Variants in RANBP9 observed in about 807,000 individuals in gnomAD.
The protein encoded by RANBP9 is ran-binding protein 9.
A neutral mutation model predicts 84.3 loss-of-function variants in RANBP9; 15 were observed. The ratio of observed to expected loss-of-function variants is 0.18; its 90% CI spans 0.12 to 0.27. RANBP9 has a LOEUF of 0.27. Among genes scored for constraint, RANBP9 ranks in the 10% least tolerant of loss-of-function variants. The pLI is 1.00. For missense variants in RANBP9, 809 were observed against 912.8 expected, an observed-to-expected ratio of 0.89 and a Z score of 1.46; for synonymous variants, 392 against 349.6, an observed-to-expected ratio of 1.12 and a Z score of -1.35.
rs147522193 is a variant in RANBP9, at chr6:13,683,255, A to G, written c.683+13530T>C. On this transcript the variant is annotated intron_variant, in intron 2 of 13. Transcript: ENST00000011619. ...CTTATCTTGGAATGTTAATCAACCT[A>G]AGTGATTCCAGCAATAGGCAAAGAG... Among the ~76,000 whole-genome samples, 43 of 152,354 alleles carry G rather than the reference A, an allele frequency of 2.8e-4. No homozygotes were observed. The East Asian group carries it at 8.1e-3, about 29-fold the overall frequency.
At chr6:13,671,757 GAAT>G (rs1765784172) in intron 2 of RANBP9, among the ~76,000 whole-genome samples, 1 of 151,998 alleles carries the variant, frequency 6.6e-6, no homozygotes, top group African/African-American at 2.4e-5. Flanking sequence ...TTTAAAGGGT[GAAT>G]ATGTACATGA....
At chr6:13,696,644 A>T (rs956738391) in intron 2 of RANBP9, 141 bp downstream of exon 2, 3 of 609,430 alleles carry the variant, frequency 4.9e-6, no homozygotes, top group African/African-American at 3.8e-5. Flanking sequence ...AACCAGATCC[A>T]ATCTGTTATA....
At chr6:13,655,490 C>T (rs187463194) in intron 4 of RANBP9, among the ~76,000 whole-genome samples, 1 of 152,080 alleles carries the variant, frequency 6.6e-6, no homozygotes, top group African/African-American at 2.4e-5. Context: ...ATAAAATAAA[C>T]AAAAAATAAA....
In RANBP9 at chr6:13,632,838, TA is replaced by T. The variant is rs372574264; in HGVS notation, c.1796-318del. The T allele has an allele frequency of 6.6e-3, 803 of 121,558 alleles. 2 individuals are homozygous for T. The highest frequency in any genetic ancestry group is 0.023 in the East Asian group (101 of 4,348). 7.5% of individuals were successfully genotyped at this position (121,558 alleles called of 1,614,324 possible). On this transcript the variant is annotated intron_variant, in intron 11 of 13. Coordinates refer to ENST00000011619, the MANE Select transcript of RANBP9 (RefSeq NM_005493.3). The stretch of plus-strand genomic sequence containing the variant: ...CCCTAAAACTACATTAAGCAACATT[TA>T]AAAAAAAAAAAAAAAAAAGGAAAAC...
At chr6:13,695,399 ATGT>A (rs1235748391) in intron 2 of RANBP9, among the ~76,000 whole-genome samples, 2 of 106,434 alleles carry the variant, frequency 1.9e-5, no homozygotes, top group Non-Finnish European at 3.8e-5. Flanking sequence ...CACCAACCAA[ATGT>A]TTTTTTTTTT....
Position 13,657,230 on chromosome 6 carries a change from C to G in RANBP9, c.783G>C (p.Ser261=), listed in dbSNP as rs1048656524. The G allele has an allele frequency of 1.2e-6, 2 of 1,613,422 alleles. No homozygotes were observed. The highest frequency in any genetic ancestry group is 1.7e-6 in the Non-Finnish European group (2 of 1,179,662). The change falls in exon 4 of 14, where the codon TCG becomes TCC. Residue 261 remains serine, a synonymous_variant. Coordinates refer to ENST00000011619, the MANE Select transcript of RANBP9 (RefSeq NM_005493.3). ...SYGYHGDDGH[S]FCSSGTGQPY... The stretch of plus-strand genomic sequence containing the variant: ...GTTGTCCAGTTCCAGAAGAACAAAA[C>G]GAATGTCCATCATCCCCATGGTAAC...
At chr6:13,682,508 A>G (rs145630676) in intron 2 of RANBP9, among the ~76,000 whole-genome samples, 15 of 151,806 alleles carry the variant, frequency 9.9e-5, no homozygotes, top group African/African-American at 3.4e-4. Flanking sequence ...CCTGCAGTGC[A>G]ATGGCACGAT....
chr6:13,708,451 C>T (rs1584953746), intron 1 of RANBP9, among the ~76,000 whole-genome samples: 1 of 152,020 alleles, frequency 6.6e-6, no homozygotes, highest in East Asian at 1.9e-4. Context: ...AACACCAGAA[C>T]AACAACAAAA....
Position 13,711,156 on chromosome 6 carries a change from C to G in RANBP9, c.350G>C (p.Gly117Ala). The change falls in exon 1 of 14, where the codon GGA (glycine) becomes GCA (alanine). Residue 117 changes from glycine to alanine, a missense_variant. Gly to Ala is a moderately conservative substitution (Grantham distance 60). This residue lies in a region of RANBP9 where 302 missense variants were observed against 240.1 expected (regional missense o/e 1.26). Transcript: ENST00000011619. Reference protein sequence around the residue: ...GLAAGPGPAGGAPTPALVAGS... With the variant: ...GLAAGPGPAGAAPTPALVAGS... ...CGCCACCAGAGCTGGGGTCGGGGCT[C>G]CTCCAGCCGGGCCGGGGCCCGCTGC... is the stretch of plus-strand genomic sequence containing the variant. The G allele has an allele frequency of 6.7e-7, 1 of 1,483,008 alleles. No homozygotes were observed. Among genetic ancestry groups the G allele is most frequent in the South Asian group, 1.3e-5 (1 of 79,028 alleles). 91.9% of individuals were successfully genotyped at this position (1,483,008 alleles called of 1,614,324 possible). A position where few individuals can be genotyped will look rare whatever the true frequency, so the allele number is the denominator to read the frequency against.
intron 10 of RANBP9, among the ~76,000 whole-genome samples, chr6:13,635,094 C>A (rs1764902906): frequency 6.6e-6 from 1 of 152,196 alleles, no homozygotes; most frequent in Non-Finnish European, 1.5e-5. Context: ...AATATACATT[C>A]TTTCAAGGGT....
At chr6:13,710,773 C>A (rs1758256436) in intron 1 of RANBP9, among the ~76,000 whole-genome samples, 162 bp downstream of exon 1, 1 of 152,126 alleles carries the variant, frequency 6.6e-6, no homozygotes, top group South Asian at 2.1e-4. Flanking sequence ...GACCCTTCAC[C>A]GCGACCCCCG....
Position 13,711,628 on chromosome 6 carries a change from C to G in RANBP9, c.-123G>C. 1 of 932,452 alleles carries G rather than the reference C, an allele frequency of 1.1e-6. No homozygotes were observed. Among genetic ancestry groups the G allele is most frequent in the East Asian group, 4.0e-5 (1 of 25,014 alleles). The allele number at this position is 932,452 out of a possible 1,614,324, so 57.8% of individuals were successfully genotyped here. Reference sequence around the variant, plus strand: ...CCAGTCCGCCCGCCCCGGAAGCAGGCGGCGGGCCGCGCGCCCAGGGAGACC... The same window carrying G: ...CCAGTCCGCCCGCCCCGGAAGCAGGGGGCGGGCCGCGCGCCCAGGGAGACC... On this transcript the variant is annotated 5_prime_UTR_variant, in exon 1 of 14. Coordinates refer to ENST00000011619, the MANE Select transcript of RANBP9 (RefSeq NM_005493.3).
chr6:13,702,355 A>G (rs1038290391), intron 1 of RANBP9, among the ~76,000 whole-genome samples: 1 of 152,202 alleles, frequency 6.6e-6, no homozygotes, highest in African/African-American at 2.4e-5. Flanking sequence ...AGGGAGGAGA[A>G]TTGCTTAAAC....
intron 5 of RANBP9, among the ~76,000 whole-genome samples, chr6:13,648,141 GTTTTTTTTTT>G (rs375219477): frequency 1.2e-5 from 1 of 80,646 alleles, no homozygotes; most frequent in Non-Finnish European, 2.4e-5. Flanking sequence ...TATATGACTG[GTTTTTTTTTT>G]TTTTTTTTTT....
At chr6:13,692,344 TGGC>T (rs1421638902) in intron 2 of RANBP9, among the ~76,000 whole-genome samples, 1 of 151,062 alleles carries the variant, frequency 6.6e-6, no homozygotes, top group Non-Finnish European at 1.5e-5. Flanking sequence ...GAAACCAGCT[TGGC>T]CAACATGGCA....
chr6:13,680,768 A>G (rs1766016403), intron 2 of RANBP9, among the ~76,000 whole-genome samples: 2 of 151,640 alleles, frequency 1.3e-5, no homozygotes, highest in Admixed American at 1.3e-4. Context: ...AAAAAAAAAA[A>G]AAAGAAAGAA....
intron 1 of RANBP9, among the ~76,000 whole-genome samples, chr6:13,704,757 T>C (rs1190291603): frequency 6.6e-6 from 1 of 152,160 alleles, no homozygotes; most frequent in Non-Finnish European, 1.5e-5. Context: ...TGTTTTTGCT[T>C]TTCCTTCATT....
intron 2 of RANBP9, among the ~76,000 whole-genome samples, chr6:13,672,292 G>A (rs867813114): frequency 1.3e-5 from 2 of 152,026 alleles, no homozygotes; most frequent in Non-Finnish European, 1.5e-5. Context: ...TTGAAGGTCC[G>A]TTCAGGAACT....
chr6:13,644,170 T>C (rs1196084794), intron 6 of RANBP9, among the ~76,000 whole-genome samples: 10 of 152,218 alleles, frequency 6.6e-5, no homozygotes, highest in African/African-American at 7.2e-5. Context: ...TTATAAGATC[T>C]AGATTATCTC....
Sources: gnomAD v4.1 joint callset for allele counts (sites outside exome capture counted in the v4.1 genomes callset) on GRCh38, gnomAD v4.1.1 for gene constraint, gnomAD v4.1.1 regional missense constraint, MANE v1.5 for transcripts, NCBI Gene and HGNC (gene_info 2026-07-23, HGNC 2026-07-21) for gene names.